The following AGAP3 variants were observed in gnomAD, a reference collection of about 807,000 sequenced individuals.
The protein encoded by AGAP3 is arf-GAP with GTPase, ANK repeat and PH domain-containing protein 3.
AGAP3 carries 24 observed loss-of-function variants against 96.9 expected under a neutral mutation model. The ratio of observed to expected loss-of-function variants is 0.25; its 90% CI spans 0.18 to 0.35. The LOEUF (loss-of-function observed/expected upper bound fraction) is 0.35, where lower values mean the gene tolerates loss of function less well. Ranked by LOEUF, AGAP3 falls within the 10% of genes least tolerant of loss-of-function variation. The pLI, the probability that AGAP3 is intolerant of heterozygous loss-of-function variation, is 1.00. For missense variants in AGAP3, 876 were observed against 1,254.2 expected (o/e 0.70, Z 4.55); for synonymous variants, 563 against 536.1 (o/e 1.05, Z -0.69).
intron 1 of AGAP3, among the ~76,000 whole-genome samples, chr7:151,107,812 G>C (rs373966757): frequency 6.6e-6 from 1 of 152,180 alleles, no homozygotes; most frequent in Non-Finnish European, 1.5e-5. Context: ...TTTAAATGTC[G>C]AAAGTGTAGG....
Position 151,140,070 on chromosome 7 carries a change from G to C in AGAP3, c.1758G>C (p.Lys586Asn). 1 of 1,606,250 alleles carries C rather than the reference G, an allele frequency of 6.2e-7. No homozygotes were observed. Among genetic ancestry groups the C allele is most frequent in the Non-Finnish European group, 8.5e-7 (1 of 1,176,840 alleles). The change falls in exon 13 of 18, where the codon AAG (lysine) becomes AAC (asparagine). Residue 586 changes from lysine (K) to asparagine (N), a missense_variant. Around this residue, in one of 8 missense-constraint regions of AGAP3, gnomAD observed 155 missense variants for 144.4 expected, o/e 1.07. Transcript: ENST00000397238. The surrounding 1 kb of genome is among the most constrained non-coding windows in gnomAD (Gnocchi z 5.4). ...HSNRKKHRRK[K>N]STGTPRPDGP... is the part of the protein sequence containing the mutation. ...ACCGGAAGAAGCACCGGAGGAAAAA[G>C]AGCACCGGGACCCCCCGACCAGACG...
intron 8 of AGAP3, 156 bp from the exon 9 acceptor site, chr7:151,123,638 T>G: frequency 1.4e-6 from 2 of 1,477,492 alleles, no homozygotes; most frequent in East Asian, 2.5e-5. Flanking sequence ...GTTGGAATAC[T>G]CGTGGTCTCA....
At chr7:151,126,472 C>T (rs1283998521) in intron 9 of AGAP3, among the ~76,000 whole-genome samples, 1 of 129,882 alleles carries the variant, frequency 7.7e-6, no homozygotes, top group African/African-American at 3.1e-5. Context: ...GAGGGAAGCA[C>T]GCCTAGTGGG....
intron 9 of AGAP3, chr7:151,128,252 C>A (rs912870814): frequency 1.9e-5 from 6 of 308,858 alleles, no homozygotes; most frequent in Non-Finnish European, 3.8e-5. Flanking sequence ...CTGTCTACAC[C>A]TCCGATCATC....
rs1470882526 is a variant in AGAP3, at chr7:151,120,786, C to T, written c.1128+641C>T. 4 of 1,183,600 alleles carry T rather than the reference C, an allele frequency of 3.4e-6. No individual in the cohort carries two copies. The Admixed American group carries it at 1.4e-4, about 42-fold the overall frequency. 73.3% of individuals were successfully genotyped at this position (1,183,600 alleles called of 1,614,324 possible). A position where few individuals can be genotyped will look rare whatever the true frequency, so the allele number is the denominator to read the frequency against. Reference sequence around the variant, plus strand: ...TTGTGAGCTCCTCACTCACCCCTCACAAACCTCACACCCCACACCTGGGGG... The same window carrying T: ...TTGTGAGCTCCTCACTCACCCCTCATAAACCTCACACCCCACACCTGGGGG... On this transcript the variant is annotated intron_variant, in intron 8 of 17. Transcript: ENST00000397238.
intron 1 of AGAP3, 142 bp from the exon 2 acceptor site, chr7:151,116,651 G>T: frequency 2.4e-6 from 2 of 837,344 alleles, no homozygotes; most frequent in Non-Finnish European, 4.0e-6. Context: ...GGAACTAGGG[G>T]TGAGGGTTGG....
Position 151,138,278 on chromosome 7 carries a change from C to T in AGAP3, c.1631C>T (p.Ala544Val), listed in dbSNP as rs1800683771. ...SVSSADQWSEATTSLPPGMQH... is the reference protein window; with the variant it reads ...SVSSADQWSEVTTSLPPGMQH... Reference sequence around the variant, plus strand: ...TCCAGCGCCGACCAGTGGAGTGAGGCCACCACTTCCCTGCCCCCAGGCATG... The same window carrying T: ...TCCAGCGCCGACCAGTGGAGTGAGGTCACCACTTCCCTGCCCCCAGGCATG... The change falls in exon 12 of 18, where the codon GCC becomes GTC. Residue 544 changes from alanine (A) to valine (V), a missense_variant. Ala to Val is a moderately conservative substitution (Grantham distance 64). Coordinates refer to ENST00000397238, the MANE Select transcript of AGAP3 (RefSeq NM_031946.7). 1.2e-6 allele frequency: 2 copies of T among 1,612,642 alleles called. No homozygotes were observed. The highest frequency in any genetic ancestry group is 1.3e-5 in the African/African-American group (1 of 75,054).
Position 151,117,441 on chromosome 7 carries a change from C to A in AGAP3, c.549C>A (p.Gly183=). The change falls in exon 4 of 18, where the codon GGC becomes GGA. Residue 183 remains glycine, a synonymous_variant. Coordinates refer to ENST00000397238, the MANE Select transcript of AGAP3 (RefSeq NM_031946.7). The part of the protein sequence containing the change: ...SYLLLIRDEG[G]PPELQFAAWV... Reference sequence around the variant, plus strand: ...TGCTGCTGATCCGAGATGAAGGAGGCCCCCCTGAGCTCCAGGTGATGCTCC... The same window carrying A: ...TGCTGCTGATCCGAGATGAAGGAGGACCCCCTGAGCTCCAGGTGATGCTCC... 1 of 1,614,164 alleles carries A rather than the reference C, an allele frequency of 6.2e-7. No individual in the cohort carries two copies. The highest frequency in any genetic ancestry group is 8.5e-7 in the Non-Finnish European group (1 of 1,180,002).
intron 1 of AGAP3, among the ~76,000 whole-genome samples, chr7:151,089,100 C>T (rs143075624): frequency 2.0e-3 from 302 of 152,122 alleles, no homozygotes; most frequent in African/African-American, 6.8e-3. Context: ...CTCCTGGCAC[C>T]GTCATCTTTA....
intron 10 of AGAP3, among the ~76,000 whole-genome samples, chr7:151,130,558 G>A (rs893722552): frequency 1.2e-4 from 19 of 152,136 alleles, no homozygotes; most frequent in African/African-American, 3.4e-4. Context: ...GGGCTTGCCT[G>A]CCTGGGGCTA....
chr7:151,142,326 G>A lies in AGAP3; in HGVS notation c.2050+73G>A, dbSNP rs866281291. The A allele has an allele frequency of 6.3e-7, 1 of 1,599,216 alleles. No individual in the cohort carries two copies. The highest frequency in any genetic ancestry group is 1.7e-4 in the Middle Eastern group (1 of 5,978). On this transcript the variant is annotated intron_variant, in intron 15 of 17. Transcript: ENST00000397238. This position sits in a 1 kb window ranked among gnomAD's most constrained non-coding sequence, Gnocchi z 7.5. ...AGCTTCGCAAGCATCAGGGAGCAGGGAAGAGGGCAGGGAAGCCTTCCCTAG... is the reference window on the plus strand; with the variant it reads ...AGCTTCGCAAGCATCAGGGAGCAGGAAAGAGGGCAGGGAAGCCTTCCCTAG...
chr7:151,120,834 G>A (rs1399149684), intron 8 of AGAP3: 2 of 1,157,412 alleles, frequency 1.7e-6, no homozygotes, highest in African/African-American at 1.6e-5. Context: ...CCCGGCTGAG[G>A]GTGGCCTCTG....
intron 1 of AGAP3, among the ~76,000 whole-genome samples, chr7:151,094,296 G>A (rs1352545732): frequency 2.0e-5 from 3 of 152,024 alleles, no homozygotes; most frequent in African/African-American, 2.4e-5. Context: ...CGCTTGTCTC[G>A]TTATTGCTTT....
chr7:151,093,333 G>A (rs1798473441), intron 1 of AGAP3, among the ~76,000 whole-genome samples: 2 of 152,110 alleles, frequency 1.3e-5, no homozygotes, highest in Admixed American at 6.5e-5. Context: ...TAGAGATGGG[G>A]TCTTGCTATG....
Position 151,117,687 on chromosome 7 carries a change from A to G in AGAP3, c.616A>G (p.Ile206Val), listed in dbSNP as rs751486279. The G allele has an allele frequency of 1.2e-6, 2 of 1,614,202 alleles. No homozygotes were observed. The highest frequency in any genetic ancestry group is 1.1e-5 in the South Asian group (1 of 91,090). ...GTTTGTGTTCAGCCTGGAGGATGAA[A>G]TCAGTTTCCAGACGGTGTACAACTA... is the stretch of plus-strand genomic sequence containing the variant. ...VVFVFSLEDE[I>V]SFQTVYNYFL... is the part of the protein sequence containing the mutation. Residue 206 changes from isoleucine to valine, a missense_variant, in exon 5 of 18, where the codon ATC (isoleucine) becomes GTC (valine). Transcript: ENST00000397238.
intron 1 of AGAP3, among the ~76,000 whole-genome samples, chr7:151,100,134 C>T (rs149252402): frequency 4.9e-4 from 75 of 152,348 alleles, no homozygotes; most frequent in African/African-American, 1.7e-3. Context: ...GCCTGCAGTG[C>T]GCCCTTTGTG....
In AGAP3 at chr7:151,086,650, C is replaced by A; in HGVS notation, c.-92C>A. 1 of 150,486 alleles carries A rather than the reference C, an allele frequency of 6.6e-6. No homozygotes were observed. Among genetic ancestry groups the A allele is most frequent in the Non-Finnish European group, 1.3e-5 (1 of 77,958 alleles). The allele number at this position is 150,486 out of a possible 1,614,324, so 9.3% of individuals were successfully genotyped here. A position where few individuals can be genotyped will look rare whatever the true frequency, so the allele number is the denominator to read the frequency against. On this transcript the variant is annotated 5_prime_UTR_variant, in exon 1 of 18. Coordinates refer to ENST00000397238, the MANE Select transcript of AGAP3 (RefSeq NM_031946.7). ...CCCAGTAGTCCCGGCCCCGCCAGCC[C>A]CGCGCTCCCGCTCGCCGCTGCCGCC...
At chr7:151,116,937 C>T (rs1487499416) in intron 2 of AGAP3, 86 bp downstream of exon 2, 2 of 1,559,854 alleles carry the variant, frequency 1.3e-6, no homozygotes, top group African/African-American at 1.4e-5. Context: ...GCTTCTCCGG[C>T]TTCTGTCCCC....
intron 1 of AGAP3, among the ~76,000 whole-genome samples, chr7:151,102,202 T>C (rs891284304): frequency 2.0e-4 from 30 of 152,236 alleles, no homozygotes; most frequent in African/African-American, 7.2e-4. Context: ...AGCAGGTTTC[T>C]GCGCAGTGGC....
Sources: gnomAD v4.1 joint callset for allele counts (sites outside exome capture counted in the v4.1 genomes callset) on GRCh38, gnomAD v4.1.1 for gene constraint, gnomAD v4.1.1 regional missense constraint, Gnocchi (gnomAD v3.1) non-coding constraint, MANE v1.5 for transcripts, NCBI Gene and HGNC (gene_info 2026-07-23, HGNC 2026-07-21) for gene names.